EVA1C: variants seen among roughly 807,000 people sequenced by gnomAD.
EVA1C encodes the protein eva-1 homolog C, also known as protein eva-1 homolog C.
EVA1C carries 25 observed loss-of-function variants against 45.4 expected under a neutral mutation model. That is an observed-to-expected ratio of 0.55 (90% CI 0.40 to 0.77). The LOEUF (loss-of-function observed/expected upper bound fraction) is 0.77, where lower values mean the gene tolerates loss of function less well. Among genes scored for constraint, EVA1C ranks in the 30% least tolerant of loss-of-function variants. EVA1C has a pLI of 0.00. For synonymous variants in EVA1C, 190 were observed against 221.2 expected (o/e 0.86, Z 1.25); for missense variants, 479 against 554.8 (o/e 0.86, Z 1.37).
At chr21:32,447,134 T>C (rs1400203924) in intron 1 of EVA1C, among the ~76,000 whole-genome samples, 1 of 152,198 alleles carries the variant, frequency 6.6e-6, no homozygotes, top group African/African-American at 2.4e-5. Context: ...GCGCAGTGGC[T>C]CACACCTGTA....
intron 7 of EVA1C, among the ~76,000 whole-genome samples, chr21:32,511,733 A>G (rs561557373): frequency 5.9e-5 from 9 of 152,302 alleles, no homozygotes; most frequent in African/African-American, 1.4e-4. Flanking sequence ...CACTTTGAAC[A>G]CCGTGTTGGC....
At chr21:32,450,497 TTCCCC>T in intron 1 of EVA1C, among the ~76,000 whole-genome samples, 1 of 49,248 alleles carries the variant, frequency 2.0e-5, no homozygotes. Flanking sequence ...TGCTTATTTA[TTCCCC>T]GGACCACAGT....
intron 7 of EVA1C, among the ~76,000 whole-genome samples, chr21:32,511,986 TATG>T (rs1444804933): frequency 1.3e-5 from 2 of 152,016 alleles, no homozygotes; most frequent in Non-Finnish European, 2.9e-5. Flanking sequence ...TTTACAGCGA[TATG>T]ATATTAAATT....
intron 7 of EVA1C, among the ~76,000 whole-genome samples, chr21:32,505,458 A>G (rs1490344901): frequency 1.3e-5 from 2 of 152,328 alleles, no homozygotes; most frequent in African/African-American, 4.8e-5. Context: ...TCCTCCAGAC[A>G]GAGAATAACG....
At chr21:32,424,463 T>TA (rs113502585) in intron 1 of EVA1C, among the ~76,000 whole-genome samples, 5 of 151,974 alleles carry the variant, frequency 3.3e-5, no homozygotes, top group African/African-American at 4.8e-5. Context: ...TCTTTTTCAT[T>TA]AAAAAAAATG....
At chr21:32,504,736 A>G (rs552962400) in intron 7 of EVA1C, among the ~76,000 whole-genome samples, 5 of 152,340 alleles carry the variant, frequency 3.3e-5, no homozygotes, top group Non-Finnish European at 7.3e-5. Context: ...AATACATAAC[A>G]GTATTGCTAT....
intron 4 of EVA1C, among the ~76,000 whole-genome samples, chr21:32,469,241 G>T (rs565681582): frequency 6.6e-6 from 1 of 152,308 alleles, no homozygotes; most frequent in Non-Finnish European, 1.5e-5. Context: ...TCATATGTCA[G>T]GTGCAGATGG....
intron 6 of EVA1C, among the ~76,000 whole-genome samples, chr21:32,501,984 T>TTTTCTTTCTTTC (rs563785580): frequency 5.8e-5 from 7 of 120,438 alleles, no homozygotes; most frequent in East Asian, 2.5e-4. Flanking sequence ...TCTCTCGCTC[T>TTTTCTTTCTTTC]TTTCTTTCTT....
At chr21:32,492,837 G>T (rs2051349664) in intron 4 of EVA1C, among the ~76,000 whole-genome samples, 1 of 151,704 alleles carries the variant, frequency 6.6e-6, no homozygotes, top group Admixed American at 6.6e-5. Flanking sequence ...TCCTTGGTCG[G>T]TCCCTCACCC....
intron 3 of EVA1C, among the ~76,000 whole-genome samples, chr21:32,458,097 T>C (rs1188216880): frequency 6.6e-6 from 1 of 152,168 alleles, no homozygotes; most frequent in Admixed American, 6.5e-5. Context: ...TGTGCTGAGA[T>C]TGAGAGGCTG....
chr21:32,507,729 T>A (rs1011031887), intron 7 of EVA1C, among the ~76,000 whole-genome samples: 1 of 149,762 alleles, frequency 6.7e-6, no homozygotes, highest in African/African-American at 2.5e-5. Flanking sequence ...TGTGTGTGCA[T>A]ACGTGTATCT....
intron 5 of EVA1C, among the ~76,000 whole-genome samples, chr21:32,499,783 C>A (rs2037469028): frequency 6.6e-6 from 1 of 152,218 alleles, no homozygotes; most frequent in Non-Finnish European, 1.5e-5. Flanking sequence ...GGTTTCCACT[C>A]CCTTCTCCCA....
At chr21:32,502,389 G>A (rs543961712) in intron 6 of EVA1C, among the ~76,000 whole-genome samples, 5 of 152,118 alleles carry the variant, frequency 3.3e-5, no homozygotes, top group African/African-American at 9.6e-5. Flanking sequence ...GTGAACCACC[G>A]CACCCGGCCC....
At chr21:32,494,421 CTTCA>C (rs1186343590) in intron 4 of EVA1C, among the ~76,000 whole-genome samples, 1 of 152,190 alleles carries the variant, frequency 6.6e-6, no homozygotes, top group Non-Finnish European at 1.5e-5. Context: ...AACCAAGAAT[CTTCA>C]TTCAATGTTC....
chr21:32,475,383 CA>C (rs2036517889), intron 4 of EVA1C, among the ~76,000 whole-genome samples: 1 of 151,710 alleles, frequency 6.6e-6, no homozygotes, highest in Admixed American at 6.6e-5. Flanking sequence ...TATTGTTCTG[CA>C]CAAACACCAT....
chr21:32,424,016 A>G (rs1029291886), intron 1 of EVA1C, among the ~76,000 whole-genome samples: 1 of 152,204 alleles, frequency 6.6e-6, no homozygotes. Context: ...TCCCATTTCA[A>G]GTCTGTCAGC....
chr21:32,467,913 T>TATAG, intron 4 of EVA1C, 65 bp downstream of exon 4: 4 of 1,008,344 alleles, frequency 4.0e-6, no homozygotes, highest in African/African-American at 1.7e-5. Context: ...AGAATATATA[T>TATAG]ATATATATCC....
At chr21:32,430,354 C>A in intron 1 of EVA1C, among the ~76,000 whole-genome samples, 1 of 152,126 alleles carries the variant, frequency 6.6e-6, no homozygotes. Context: ...ACAGGACCCG[C>A]CAGCAATACC....
chr21:32,426,339 C>A (rs911895270), intron 1 of EVA1C, among the ~76,000 whole-genome samples: 5 of 152,112 alleles, frequency 3.3e-5, no homozygotes, highest in South Asian at 2.1e-4. Context: ...ATTTCAAAAT[C>A]TCAGTGAAAT....
Sources: gnomAD v4.1 joint callset for allele counts (sites outside exome capture counted in the v4.1 genomes callset) on GRCh38, gnomAD v4.1.1 for gene constraint, MANE v1.5 for transcripts, NCBI Gene and HGNC (gene_info 2026-07-23, HGNC 2026-07-21) for gene names.